The following DDB1 variants were observed in gnomAD, a reference collection of about 807,000 sequenced individuals.
The protein encoded by DDB1 is damage specific DNA binding protein 1.
A neutral mutation model predicts 133.1 loss-of-function variants in DDB1; 18 were observed. The ratio of observed to expected loss-of-function variants is 0.14; its 90% CI spans 0.09 to 0.20. The LOEUF (loss-of-function observed/expected upper bound fraction) is 0.20. Among genes scored for constraint, DDB1 ranks in the 10% least tolerant of loss-of-function variants. The pLI is 1.00. For missense variants in DDB1, 828 were observed against 1,459.2 expected (o/e 0.57, Z 7.05); for synonymous variants, 580 against 550.5 (o/e 1.05, Z -0.75).
At chr11:61,318,271 C>T (rs1200811576) in intron 10 of DDB1, among the ~76,000 whole-genome samples, 2 of 152,136 alleles carry the variant, frequency 1.3e-5, no homozygotes, top group Non-Finnish European at 2.9e-5. Flanking sequence ...ACATACAATG[C>T]CACAAGAAAT....
intron 20 of DDB1, 49 bp downstream of exon 20, chr11:61,309,747 T>G (rs759830758): frequency 4.4e-6 from 7 of 1,584,422 alleles, no homozygotes; most frequent in Middle Eastern, 2.2e-4. Flanking sequence ...GCCTGCTGAC[T>G]TTCTCAGCAT....
intron 18 of DDB1, 134 bp downstream of exon 18, chr11:61,311,650 G>A (rs1018966232): frequency 4.2e-6 from 3 of 722,040 alleles, no homozygotes; most frequent in South Asian, 4.2e-5. Context: ...TTCAGGCTAC[G>A]ATGGCAAAGT....
rs1159349426 is a variant in DDB1 at position 61,332,980 on chromosome 11, G to A, written c.-12C>T. 4.0e-6 allele frequency: 6 copies of A among 1,503,888 alleles called. No individual in the cohort carries two copies. Among genetic ancestry groups the A allele is most frequent in the East Asian group, 2.7e-5 (1 of 37,304 alleles). 93.2% of individuals were successfully genotyped at this position (1,503,888 alleles called of 1,614,324 possible). On this transcript the variant is annotated 5_prime_UTR_variant, in exon 1 of 27. Coordinates refer to ENST00000301764, the MANE Select transcript of DDB1 (RefSeq NM_001923.5). ...TAGTTGTACGACATGTCGAGGCTTG[G>A]AGCGGCCCGTCGGGACTCGAGCGCG... is the stretch of plus-strand genomic sequence containing the variant.
At chr11:61,314,922 C>G (rs1856040274) in intron 12 of DDB1, 1 of 151,350 alleles carries the variant, frequency 6.6e-6, no homozygotes, top group Non-Finnish European at 1.5e-5. Flanking sequence ...CTACGCCTCC[C>G]AGGTTCAAGC....
intron 10 of DDB1, 46 bp from the exon 11 acceptor site, chr11:61,316,613 T>G: frequency 6.3e-7 from 1 of 1,593,774 alleles, no homozygotes. Flanking sequence ...AGACCAACAC[T>G]TAGCATGCAT....
At chr11:61,323,640 T>C (rs1339391582) in intron 7 of DDB1, 5 of 281,448 alleles carry the variant, frequency 1.8e-5, no homozygotes, top group African/African-American at 8.6e-5. Flanking sequence ...CTCGAACTCC[T>C]GGGGCTCACA....
intron 10 of DDB1, among the ~76,000 whole-genome samples, chr11:61,318,737 C>T (rs940786964): frequency 6.6e-6 from 1 of 152,142 alleles, no homozygotes; most frequent in Non-Finnish European, 1.5e-5. Flanking sequence ...ATTTATCAAT[C>T]TTTCTTTTTG....
chr11:61,302,118 C>A, intron 25 of DDB1, 139 bp downstream of exon 25: 1 of 715,658 alleles, frequency 1.4e-6, no homozygotes, highest in South Asian at 1.8e-5. Context: ...ATGAAAAAGT[C>A]AAAAACAAAA....
Position 61,326,827 on chromosome 11 carries a change from G to A in DDB1, c.616C>T (p.Pro206Ser), listed in dbSNP as rs1350960678. The part of the protein sequence containing the change: ...SLREKEFNKG[P>S]WKQENVEAEA... ...GCTTCGACATTTTCCTGTTTCCAAG[G>A]GCCCTTATTGAATTCCTTTTCTCGG... The change falls in exon 5 of 27, where the codon CCT becomes TCT. Residue 206 changes from proline to serine, a missense_variant. Physicochemically the swap from Pro to Ser is moderately conservative, Grantham distance 74. This residue lies in a region of DDB1 where 210 missense variants were observed against 344.8 expected (regional missense o/e 0.61). Coordinates refer to ENST00000301764, the MANE Select transcript of DDB1 (RefSeq NM_001923.5). 6.2e-7 allele frequency: 1 copy of A among 1,614,054 alleles called. No homozygotes were observed. The highest frequency in any genetic ancestry group is 1.7e-5 in the Admixed American group (1 of 60,016).
At chr11:61,307,090 C>T (rs1391085226) in intron 21 of DDB1, among the ~76,000 whole-genome samples, 1 of 152,212 alleles carries the variant, frequency 6.6e-6, no homozygotes, top group Admixed American at 6.5e-5. Context: ...GTTTGAGATC[C>T]CACCTCCTTT....
At chr11:61,314,575 G>T in intron 12 of DDB1, 89 bp from the exon 13 acceptor site, 1 of 1,302,218 alleles carries the variant, frequency 7.7e-7, no homozygotes, top group Non-Finnish European at 1.0e-6. Flanking sequence ...CCCTAATAGA[G>T]CCCTACGAAT....
intron 1 of DDB1, chr11:61,332,569 C>T (rs988969059): frequency 8.0e-6 from 2 of 250,556 alleles, no homozygotes; most frequent in Non-Finnish European, 1.5e-5. Context: ...TCATTACCAC[C>T]TCCCCTTTTC....
intron 26 of DDB1, among the ~76,000 whole-genome samples, chr11:61,300,574 C>T (rs183360588): frequency 4.0e-4 from 61 of 152,318 alleles, no homozygotes; most frequent in Admixed American, 4.6e-4. Flanking sequence ...TGCTCAAGGA[C>T]GGGGTTAACA....
At position 61,326,994 on chromosome 11, in the gene DDB1, G is replaced by A. The variant is rs531070275; in HGVS notation, c.550-101C>T. On this transcript the variant is annotated intron_variant, in intron 4 of 26. Coordinates refer to ENST00000301764, the MANE Select transcript of DDB1 (RefSeq NM_001923.5). ...AGCCACCACTACCCAGCATCTGACA[G>A]TCCTGTCATGTCAGCCCTCCCACCC... The A allele has an allele frequency of 5.0e-6, 4 of 794,604 alleles. No homozygotes were observed. The South Asian group carries it at 6.2e-5, about 12-fold the overall frequency. 49.2% of individuals were successfully genotyped at this position (794,604 alleles called of 1,614,324 possible). A position where few individuals can be genotyped will look rare whatever the true frequency, so the allele number is the denominator to read the frequency against.
At chr11:61,315,347 TTATA>T (rs1856046026) in intron 12 of DDB1, 1 of 152,178 alleles carries the variant, frequency 6.6e-6, no homozygotes, top group South Asian at 2.1e-4. Flanking sequence ...ACAATTGAGT[TTATA>T]TATAAGGATG....
In DDB1 at chr11:61,325,794, C is replaced by T. The variant is rs776730498; in HGVS notation, c.665-86G>A. ...GCAAAAGTACAGGTCTAGTTAGCCCCAAGGCAAACTTTAAGGTCATCATTA... is the reference window on the plus strand; with the variant it reads ...GCAAAAGTACAGGTCTAGTTAGCCCTAAGGCAAACTTTAAGGTCATCATTA... On this transcript the variant is annotated intron_variant, in intron 5 of 26. Transcript: ENST00000301764. 2.0e-5 allele frequency: 20 copies of T among 1,022,906 alleles called. No homozygotes were observed. The African/African-American group carries it at 3.0e-4, about 15-fold the overall frequency. 63.4% of individuals were successfully genotyped at this position (1,022,906 alleles called of 1,614,324 possible). A position where few individuals can be genotyped will look rare whatever the true frequency, so the allele number is the denominator to read the frequency against.
intron 4 of DDB1, among the ~76,000 whole-genome samples, chr11:61,328,194 CTAAG>C (rs1292112376): frequency 6.6e-6 from 1 of 152,172 alleles, no homozygotes; most frequent in African/African-American, 2.4e-5. Context: ...TTAACTCATA[CTAAG>C]TAAGATCAAA....
At chr11:61,325,144 G>A (rs941924964) in intron 6 of DDB1, among the ~76,000 whole-genome samples, 6 of 150,882 alleles carry the variant, frequency 4.0e-5, no homozygotes, top group East Asian at 1.9e-4. Context: ...GCAAAACTCC[G>A]TCTCAAAAAA....
Position 61,314,230 on chromosome 11 carries a change from G to A in DDB1, c.1590-20C>T. 6.3e-7 allele frequency: 1 copy of A among 1,591,888 alleles called. No homozygotes were observed. Among genetic ancestry groups the A allele is most frequent in the Non-Finnish European group, 8.6e-7 (1 of 1,169,176 alleles). ...GTGTGGCTGAACAAAGAAGAATATG[G>A]CAGAGGAAGGAATCCAAGGCTCAAA... On this transcript the variant is annotated intron_variant, in intron 13 of 26. Transcript: ENST00000301764.
Sources: gnomAD v4.1 joint callset for allele counts (sites outside exome capture counted in the v4.1 genomes callset) on GRCh38, gnomAD v4.1.1 for gene constraint, gnomAD v4.1.1 regional missense constraint, MANE v1.5 for transcripts, NCBI Gene and HGNC (gene_info 2026-07-23, HGNC 2026-07-21) for gene names.